Variants in ARHGAP24 observed in about 807,000 individuals in gnomAD.
The protein encoded by ARHGAP24 is rho GTPase-activating protein 24.
Under a neutral mutation model 76.4 loss-of-function variants are expected in ARHGAP24, and 50 were observed. That is an observed-to-expected ratio of 0.65 (90% CI 0.52 to 0.83). The LOEUF (loss-of-function observed/expected upper bound fraction) is 0.83. Among genes scored for constraint, ARHGAP24 ranks in the 40% least tolerant of loss-of-function variants. ARHGAP24 has a pLI of 0.00. For synonymous variants in ARHGAP24, 345 were observed against 323.3 expected (o/e 1.07, Z -0.72); for missense variants, 930 against 914.2 (o/e 1.02, Z -0.22).
intron 2 of ARHGAP24, among the ~76,000 whole-genome samples, chr4:85,720,617 C>T (rs1272509640): frequency 1.3e-5 from 2 of 152,154 alleles, no homozygotes; most frequent in African/African-American, 4.8e-5. Flanking sequence ...TATTCATTGG[C>T]TTACAGTTGG....
intron 2 of ARHGAP24, among the ~76,000 whole-genome samples, chr4:85,662,514 T>G (rs1047575122): frequency 6.6e-5 from 10 of 151,466 alleles, no homozygotes; most frequent in African/African-American, 1.7e-4. Context: ...AGAAGCTCTT[T>G]AGTTTAATTA....
chr4:85,670,216 AG>A (rs1722776268), intron 2 of ARHGAP24, among the ~76,000 whole-genome samples: 1 of 152,120 alleles, frequency 6.6e-6, no homozygotes, highest in Non-Finnish European at 1.5e-5. Flanking sequence ...ACAGAAAAGG[AG>A]ATTAGGATGT....
intron 3 of ARHGAP24, among the ~76,000 whole-genome samples, chr4:85,897,522 T>C (rs1734246277): frequency 6.6e-6 from 1 of 152,208 alleles, no homozygotes; most frequent in South Asian, 2.1e-4. Context: ...GACTTTCTGA[T>C]ACAAGTCATA....
Position 85,977,586 on chromosome 4 carries a change from C to T in ARHGAP24, c.823C>T (p.Gln275Ter), listed in dbSNP as rs1210517931. ...KYICRFLDEV[Q>*]SYSGVNKMSV... is the part of the protein sequence containing the mutation. The stretch of plus-strand genomic sequence containing the variant: ...ACTCCATAGATTCTTGGATGAAGTA[C>T]AGTCCTACTCGGGAGTTAACAAAAT... Residue 275 changes from glutamine to a stop codon, truncating the protein, a stop_gained, in exon 8 of 10, where the codon CAG becomes TAG. Transcript: ENST00000395184. LOFTEE classifies it high-confidence loss of function. 2 of 1,613,676 alleles carry T rather than the reference C, an allele frequency of 1.2e-6. No homozygotes were observed. The highest frequency in any genetic ancestry group is 1.7e-5 in the Admixed American group (1 of 60,018).
rs149235419 is a variant in ARHGAP24, at chr4:85,960,666, T to C, written c.600-11370T>C. On this transcript the variant is annotated intron_variant, in intron 5 of 9. Coordinates refer to ENST00000395184, the MANE Select transcript of ARHGAP24 (RefSeq NM_001025616.3). Reference sequence around the variant, plus strand: ...CCCATATTTCTGATATCTCAGGAAGTAGAAAACTCAAGTGCTTGTTTCTAT... The same window carrying C: ...CCCATATTTCTGATATCTCAGGAAGCAGAAAACTCAAGTGCTTGTTTCTAT... Among the ~76,000 whole-genome samples the C allele has an allele frequency of 3.3e-3, 499 of 152,290 alleles. 3 individuals are homozygous for C. The highest frequency in any genetic ancestry group is 0.011 in the African/African-American group (469 of 41,588).
At chr4:85,639,232 T>C (rs1721437331) in intron 2 of ARHGAP24, among the ~76,000 whole-genome samples, 1 of 152,164 alleles carries the variant, frequency 6.6e-6, no homozygotes, top group East Asian at 1.9e-4. Flanking sequence ...TCAGCAGCTT[T>C]GATACAGATT....
chr4:85,596,742 T>A (rs770949727), intron 2 of ARHGAP24, among the ~76,000 whole-genome samples: 2 of 152,080 alleles, frequency 1.3e-5, no homozygotes, highest in Non-Finnish European at 2.9e-5. Context: ...ATAATATCCA[T>A]AATTTTCCCT....
intron 3 of ARHGAP24, among the ~76,000 whole-genome samples, chr4:85,906,758 C>T (rs1734788155): frequency 6.6e-6 from 1 of 151,966 alleles, no homozygotes; most frequent in Non-Finnish European, 1.5e-5. Flanking sequence ...TTATTAGCAT[C>T]ATGGAAGTCA....
chr4:85,682,958 C>A (rs1380949870), intron 2 of ARHGAP24, among the ~76,000 whole-genome samples: 6 of 152,024 alleles, frequency 3.9e-5, no homozygotes, highest in Non-Finnish European at 8.8e-5. Flanking sequence ...CAAAAATGAT[C>A]TTTCTTTTGA....
chr4:85,745,203 C>T (rs1725980190), intron 3 of ARHGAP24, among the ~76,000 whole-genome samples: 1 of 151,594 alleles, frequency 6.6e-6, no homozygotes, highest in East Asian at 1.9e-4. Flanking sequence ...CTTCAAGAGG[C>T]CGTGGCAGGA....
At chr4:85,541,405 G>A (rs1337024011) in intron 1 of ARHGAP24, among the ~76,000 whole-genome samples, 2 of 120,754 alleles carry the variant, frequency 1.7e-5, no homozygotes, top group Admixed American at 7.4e-5. Flanking sequence ...CGCCCGCCTC[G>A]GCCTCCCAAA....
At chr4:85,609,958 C>T (rs1472455654) in intron 2 of ARHGAP24, among the ~76,000 whole-genome samples, 1 of 152,112 alleles carries the variant, frequency 6.6e-6, no homozygotes, top group Non-Finnish European at 1.5e-5. Context: ...TATTAAACTG[C>T]ACCTCATTAG....
intron 9 of ARHGAP24, 74 bp downstream of exon 9, chr4:85,995,731 A>G: frequency 7.1e-7 from 1 of 1,401,948 alleles, no homozygotes; most frequent in Non-Finnish European, 1.0e-6. Flanking sequence ...GATCACACTG[A>G]GGGTGACATA....
chr4:85,879,646 A>AC (rs1411459283), intron 3 of ARHGAP24, among the ~76,000 whole-genome samples: 9 of 152,088 alleles, frequency 5.9e-5, no homozygotes, highest in Non-Finnish European at 1.0e-4. Flanking sequence ...TCTGTGGAGG[A>AC]TACCTTTTAA....
At chr4:85,988,082 A>G (rs779898794) in intron 8 of ARHGAP24, among the ~76,000 whole-genome samples, 2 of 151,886 alleles carry the variant, frequency 1.3e-5, no homozygotes, top group Non-Finnish European at 2.9e-5. Context: ...ATATTTAAAC[A>G]TTTTTCAAAT....
intron 2 of ARHGAP24, among the ~76,000 whole-genome samples, chr4:85,608,948 T>C (rs1578074343): frequency 6.6e-6 from 1 of 152,170 alleles, no homozygotes; most frequent in South Asian, 2.1e-4. Flanking sequence ...GCTGCTTAGG[T>C]TTGAATCCTG....
chr4:85,908,446 T>C (rs914613925), intron 3 of ARHGAP24, among the ~76,000 whole-genome samples: 16 of 152,190 alleles, frequency 1.1e-4, no homozygotes, highest in Admixed American at 9.8e-4. Flanking sequence ...AAACTAGTTG[T>C]AAGTTATTAT....
chr4:85,927,450 C>T (rs1736081603), intron 4 of ARHGAP24, among the ~76,000 whole-genome samples: 1 of 152,124 alleles, frequency 6.6e-6, no homozygotes, highest in South Asian at 2.1e-4. Context: ...ATACTAAAAA[C>T]CATTGAATTG....
At chr4:85,508,405 T>C (rs906869302) in intron 1 of ARHGAP24, among the ~76,000 whole-genome samples, 1 of 152,114 alleles carries the variant, frequency 6.6e-6, no homozygotes, top group African/African-American at 2.4e-5. Context: ...ATTGAGTGGG[T>C]TATTTTGAAA....
Sources: gnomAD v4.1 joint callset for allele counts (sites outside exome capture counted in the v4.1 genomes callset) on GRCh38, gnomAD v4.1.1 for gene constraint, MANE v1.5 for transcripts, NCBI Gene and HGNC (gene_info 2026-07-23, HGNC 2026-07-21) for gene names.